Variants in ABCB4 observed in about 807,000 individuals in gnomAD.
The protein encoded by ABCB4 is phosphatidylcholine translocator ABCB4.
Under a neutral mutation model 145.7 loss-of-function variants are expected in ABCB4, and 76 were observed. The observed-to-expected ratio is 0.52, with a 90% CI of 0.43 to 0.63. ABCB4 has a LOEUF of 0.63. Ranked by LOEUF, ABCB4 falls within the 30% of genes least tolerant of loss-of-function variation. The pLI is 0.00. For synonymous variants in ABCB4, 517 were observed against 566.8 expected (o/e 0.91, Z 1.25); for missense variants, 1,234 against 1,553.1 (o/e 0.79, Z 3.45).
At chr7:87,388,151 C>G in the ABCB4 span, among the ~76,000 whole-genome samples, 11 of 152,256 alleles carry the variant, frequency 7.2e-5, no homozygotes, top group East Asian at 1.9e-3. Flanking sequence ...AAGAGCTGCT[C>G]TTCTCTCCAG....
At chr7:87,416,001 G>A (rs45459000) in intron 21 of ABCB4, among the ~76,000 whole-genome samples, 10,477 of 152,206 alleles carry the variant, frequency 0.069, 536 homozygotes, top group Non-Finnish European at 0.099. Context: ...TCAAGGAAAT[G>A]ATGCCCTAAA....
chr7:87,409,075 A>G (rs533421712), intron 24 of ABCB4, among the ~76,000 whole-genome samples, 161 bp downstream of exon 24: 1 of 152,200 alleles, frequency 6.6e-6, no homozygotes, highest in South Asian at 2.1e-4. Context: ...AAATTTTTAA[A>G]TGTCAGTCAA....
chr7:87,375,609 A>G, the ABCB4 span: 1 of 1,569,450 alleles, frequency 6.4e-7, no homozygotes, highest in Non-Finnish European at 8.8e-7. Flanking sequence ...CTCTTTTTTA[A>G]TCTTCTTTTC....
chr7:87,455,836 T>A (rs1182842781), intron 4 of ABCB4, among the ~76,000 whole-genome samples: 3 of 152,134 alleles, frequency 2.0e-5, no homozygotes, highest in Non-Finnish European at 4.4e-5. Context: ...CTGTGTATCC[T>A]CCTTATCTTT....
At chr7:87,372,918 A>G in the ABCB4 span, among the ~76,000 whole-genome samples, 1 of 152,146 alleles carries the variant, frequency 6.6e-6, no homozygotes, top group Non-Finnish European at 1.5e-5. Flanking sequence ...ATAGTAAATT[A>G]TTCATAATGC....
chr7:87,405,587 TG>T (rs1177824559), intron 26 of ABCB4, among the ~76,000 whole-genome samples: 1 of 152,000 alleles, frequency 6.6e-6, no homozygotes, highest in East Asian at 1.9e-4. Flanking sequence ...CCACGACGCC[TG>T]GTTGATTTTT....
At chr7:87,369,313 T>C in the ABCB4 span, 1 of 1,033,672 alleles carries the variant, frequency 9.7e-7, no homozygotes, top group African/African-American at 1.6e-5. Context: ...CTATTGGATA[T>C]ATGCATCTTT....
At position 87,449,998 on chromosome 7, in the gene ABCB4, G is replaced by A. The variant is rs201502889; in HGVS notation, c.803C>T (p.Ala268Val). The A allele has an allele frequency of 1.2e-6, 2 of 1,614,166 alleles. No individual in the cohort carries two copies. The highest frequency in any genetic ancestry group is 2.2e-5 in the East Asian group (1 of 44,888). The change falls in exon 8 of 28, where the codon GCT (alanine) becomes GTT (valine). Residue 268 changes from alanine to valine, a missense_variant. This residue lies in a region of ABCB4 where 467 missense variants were observed against 632.8 expected (regional missense o/e 0.74). Transcript: ENST00000649586. ...EALGAIRTVI[A>V]FGGQNKELER... ...CAGCTCTTTGTTCTGGCCCCCGAAAGCTATCACAGTCCTGATGGCCCCCAG... is the reference window on the plus strand; with the variant it reads ...CAGCTCTTTGTTCTGGCCCCCGAAAACTATCACAGTCCTGATGGCCCCCAG...
chr7:87,399,668 G>A (rs1247764675), downstream of ABCB4: 2 of 152,100 alleles, frequency 1.3e-5, no homozygotes, highest in Non-Finnish European at 2.9e-5. Context: ...AAGGATTAAT[G>A]TTGAATCACA....
Position 87,408,253 on chromosome 7 carries a change from G to A in ABCB4, c.3082-19C>T. The A allele has an allele frequency of 6.2e-7, 1 of 1,608,294 alleles. No homozygotes were observed. Among genetic ancestry groups the A allele is most frequent in the Non-Finnish European group, 8.5e-7 (1 of 1,175,150 alleles). ...ATTTATCCTGAATAAATGTTTAAATGTTGCTATTATAATTGGCCTGATAAT... is the reference window on the plus strand; with the variant it reads ...ATTTATCCTGAATAAATGTTTAAATATTGCTATTATAATTGGCCTGATAAT... On this transcript the variant is annotated intron_variant, in intron 24 of 27. Coordinates refer to ENST00000649586, the MANE Select transcript of ABCB4 (RefSeq NM_000443.4).
At chr7:87,444,621 A>T (rs1401643123) in intron 10 of ABCB4, among the ~76,000 whole-genome samples, 4 of 152,218 alleles carry the variant, frequency 2.6e-5, no homozygotes, top group African/African-American at 9.6e-5. Flanking sequence ...ACTAGTGCAG[A>T]TGTCCTTTTC....
At chr7:87,409,831 T>G (rs1808482019) in intron 23 of ABCB4, among the ~76,000 whole-genome samples, 1 of 152,228 alleles carries the variant, frequency 6.6e-6, no homozygotes, top group Non-Finnish European at 1.5e-5. Context: ...GCTCTGGCCC[T>G]GACTTCCAGT....
chr7:87,465,429 C>T (rs58209691), intron 3 of ABCB4, among the ~76,000 whole-genome samples: 1 of 152,194 alleles, frequency 6.6e-6, no homozygotes, highest in Non-Finnish European at 1.5e-5. Context: ...GAGCCCACCA[C>T]AGCTCAAAGA....
At chr7:87,442,947 A>C (rs1355627061) in intron 12 of ABCB4, among the ~76,000 whole-genome samples, 4 of 152,162 alleles carry the variant, frequency 2.6e-5, no homozygotes, top group African/African-American at 9.6e-5. Flanking sequence ...CTGTCCTAAA[A>C]TATCTGGTGA....
At chr7:87,415,286 C>G (rs1365082826) in intron 21 of ABCB4, among the ~76,000 whole-genome samples, 1 of 151,898 alleles carries the variant, frequency 6.6e-6, no homozygotes. Context: ...ATACCTCAAA[C>G]CCTGTTGTAC....
In ABCB4 at chr7:87,451,380, T is replaced by C. The variant is rs996729205; in HGVS notation, c.708+243A>G. ...GGAACTCCTGACCTCAAGTGATTTATGTACCTTGGCCTCCCAAAGTGCTGG... is the reference window on the plus strand; with the variant it reads ...GGAACTCCTGACCTCAAGTGATTTACGTACCTTGGCCTCCCAAAGTGCTGG... On this transcript the variant is annotated intron_variant, in intron 7 of 27. Coordinates refer to ENST00000649586, the MANE Select transcript of ABCB4 (RefSeq NM_000443.4). Among the ~76,000 whole-genome samples, 4 of 152,258 alleles carry C rather than the reference T, an allele frequency of 2.6e-5. No homozygotes were observed. The East Asian group carries it at 7.7e-4, about 29-fold the overall frequency.
intron 2 of ABCB4, among the ~76,000 whole-genome samples, chr7:87,473,080 A>T (rs1227639473): frequency 6.6e-6 from 1 of 152,262 alleles, no homozygotes; most frequent in African/African-American, 2.4e-5. Flanking sequence ...AAGTACATCT[A>T]GAATTTAACC....
the ABCB4 span, among the ~76,000 whole-genome samples, chr7:87,377,616 GT>G: frequency 6.6e-6 from 1 of 152,134 alleles, no homozygotes; most frequent in Non-Finnish European, 1.5e-5. Context: ...TATAGGACAA[GT>G]TATTTTCTTC....
rs1226375241 is a variant in ABCB4 at position 87,403,231 on chromosome 7, T to C, written c.3537A>G (p.Gln1179=). 1.9e-6 allele frequency: 3 copies of C among 1,614,032 alleles called. No individual in the cohort carries two copies. The Admixed American group carries it at 5.0e-5, about 27-fold the overall frequency. ...GDKGTQLSGG[Q]KQRIAIARAL... is the part of the protein sequence containing the mutation. ...CTCGGGCAATAGCAATCCTCTGTTT[T>C]TGACCTCCTGAGAGCTGAGTCCCCT... Residue 1179 remains glutamine, a synonymous_variant, in exon 27 of 28, where the codon CAA becomes CAG. Coordinates refer to ENST00000649586, the MANE Select transcript of ABCB4 (RefSeq NM_000443.4).
Sources: gnomAD v4.1 joint callset for allele counts (sites outside exome capture counted in the v4.1 genomes callset) on GRCh38, gnomAD v4.1.1 for gene constraint, gnomAD v4.1.1 regional missense constraint, MANE v1.5 for transcripts, NCBI Gene and HGNC (gene_info 2026-07-23, HGNC 2026-07-21) for gene names.